LGI2: variants seen among roughly 807,000 people sequenced by gnomAD.
The protein encoded by LGI2 is leucine-rich repeat LGI family member 2.
A neutral mutation model predicts 52.0 loss-of-function variants in LGI2; 30 were observed. The ratio of observed to expected loss-of-function variants is 0.58; its 90% CI spans 0.43 to 0.78. The LOEUF (loss-of-function observed/expected upper bound fraction) is 0.78. Among genes scored for constraint, LGI2 ranks in the 30% least tolerant of loss-of-function variants. The pLI is 0.00. For synonymous variants in LGI2, 270 were observed against 271.8 expected (o/e 0.99, Z 0.06); for missense variants, 573 against 692.5 (o/e 0.83, Z 1.94).
intron 6 of LGI2, among the ~76,000 whole-genome samples, chr4:25,014,496 AG>A (rs2109414328): frequency 7.0e-6 from 1 of 143,066 alleles, no homozygotes; most frequent in South Asian, 2.4e-4. Context: ...AAAAAAAGGA[AG>A]GAGAAGGAGG....
chr4:24,992,359 A>G, the LGI2 span, among the ~76,000 whole-genome samples: 1 of 152,032 alleles, frequency 6.6e-6, no homozygotes, highest in Non-Finnish European at 1.5e-5. Flanking sequence ...GGTGGCACAC[A>G]AGAGGGCTCC....
chr4:25,028,904 C>G (rs1480848050), intron 1 of LGI2, among the ~76,000 whole-genome samples: 1 of 152,214 alleles, frequency 6.6e-6, no homozygotes, highest in Non-Finnish European at 1.5e-5. Flanking sequence ...AATGGATAAT[C>G]GCTTCACCTC....
chr4:25,007,503 A>G (rs1577547295), intron 7 of LGI2, among the ~76,000 whole-genome samples: 1 of 152,102 alleles, frequency 6.6e-6, no homozygotes, highest in East Asian at 1.9e-4. Context: ...CGCGTGAAAC[A>G]GAAGGAATTC....
rs1214455899 is a variant in LGI2 at position 25,030,610 on chromosome 4, C to T, written c.84G>A (p.Ala28=). ...GGCAGCGCGCCAGCCGCCTCACCTG[C>T]GCGCTCCGCGGTATCAGGCACGCGG... ...LGAACLIPRS[A]QVRRLARCPA... Residue 28 remains alanine, a synonymous_variant, in exon 1 of 8, where the codon GCG becomes GCA. Coordinates refer to ENST00000382114, the MANE Select transcript of LGI2 (RefSeq NM_018176.4). 3 of 1,560,240 alleles carry T rather than the reference C, an allele frequency of 1.9e-6. No homozygotes were observed. In the East Asian group the frequency reaches 7.1e-5, roughly 37 times the overall value.
chr4:25,007,566 A>G (rs1432282347), intron 7 of LGI2, among the ~76,000 whole-genome samples: 1 of 148,336 alleles, frequency 6.7e-6, no homozygotes, highest in Non-Finnish European at 1.5e-5. Flanking sequence ...AGTTGTCAGT[A>G]GCAGACAGAT....
chr4:24,999,462 T>C lies in LGI2; in HGVS notation c.*3989A>G, dbSNP rs532295554. Reference sequence around the variant, plus strand: ...ACCCAAATCCGGACCACTTTCTAATTGCATCATTGCATACAACTAGATTAT... The same window carrying C: ...ACCCAAATCCGGACCACTTTCTAATCGCATCATTGCATACAACTAGATTAT... On this transcript the variant is annotated 3_prime_UTR_variant, in exon 8 of 8. Transcript: ENST00000382114. The C allele has an allele frequency of 3.9e-5, 6 of 153,456 alleles. No homozygotes were observed. The highest frequency in any genetic ancestry group is 1.4e-4 in the African/African-American group (6 of 41,544). 9.5% of individuals were successfully genotyped at this position (153,456 alleles called of 1,614,324 possible).
Position 25,003,617 on chromosome 4 carries a change from T to G in LGI2, c.1472A>C (p.Gln491Pro). 1 of 1,614,188 alleles carries G rather than the reference T, an allele frequency of 6.2e-7. No individual in the cohort carries two copies. Among genetic ancestry groups the G allele is most frequent in the Non-Finnish European group, 8.5e-7 (1 of 1,180,030 alleles). ...GSDYTFSQIYQWDKEKQLFKK... is the reference protein window; with the variant it reads ...GSDYTFSQIYPWDKEKQLFKK... ...GAATAGCTGCTTCTCTTTATCCCACTGGTATATCTGAGAGAATGTATAGTC... is the reference window on the plus strand; with the variant it reads ...GAATAGCTGCTTCTCTTTATCCCACGGGTATATCTGAGAGAATGTATAGTC... The change falls in exon 8 of 8, where the codon CAG (glutamine) becomes CCG (proline). Residue 491 changes from glutamine to proline, a missense_variant. By Grantham distance (76) the Gln-to-Pro change is moderately conservative (BLOSUM62 -1). Coordinates refer to ENST00000382114, the MANE Select transcript of LGI2 (RefSeq NM_018176.4).
chr4:25,006,761 A>G (rs539612373), intron 7 of LGI2, among the ~76,000 whole-genome samples: 2 of 152,332 alleles, frequency 1.3e-5, no homozygotes, highest in Non-Finnish European at 2.9e-5. Context: ...CATCATCCCC[A>G]TTTTATAAAG....
At chr4:25,006,299 A>G (rs1725391906) in intron 7 of LGI2, among the ~76,000 whole-genome samples, 1 of 152,044 alleles carries the variant, frequency 6.6e-6, no homozygotes, top group Non-Finnish European at 1.5e-5. Flanking sequence ...AAGACCAACC[A>G]CTAAGCAAAG....
chr4:25,021,552 G>C (rs1018885290), intron 4 of LGI2, among the ~76,000 whole-genome samples: 12 of 152,166 alleles, frequency 7.9e-5, no homozygotes, highest in African/African-American at 2.4e-4. Flanking sequence ...TTTTAGAAGG[G>C]GAGGGAGGTG....
At chr4:25,006,758 C>T (rs1377188443) in intron 7 of LGI2, among the ~76,000 whole-genome samples, 1 of 152,058 alleles carries the variant, frequency 6.6e-6, no homozygotes, top group African/African-American at 2.4e-5. Flanking sequence ...CATCATCATC[C>T]CCATTTTATA....
chr4:25,022,500 T>C (rs903897154), intron 4 of LGI2, among the ~76,000 whole-genome samples: 7 of 152,158 alleles, frequency 4.6e-5, no homozygotes, highest in Non-Finnish European at 8.8e-5. Flanking sequence ...CTAGTTCTTC[T>C]CTAACGCATT....
intron 4 of LGI2, among the ~76,000 whole-genome samples, chr4:25,019,961 G>A (rs1725902441): frequency 6.6e-6 from 1 of 152,182 alleles, no homozygotes; most frequent in Non-Finnish European, 1.5e-5. Flanking sequence ...CACACAGCAG[G>A]TACTCAGTAT....
At chr4:25,020,300 C>A (rs1047784025) in intron 4 of LGI2, among the ~76,000 whole-genome samples, 7 of 152,184 alleles carry the variant, frequency 4.6e-5, no homozygotes, top group Non-Finnish European at 1.0e-4. Flanking sequence ...GTCCACACCC[C>A]ACCTCCAGGA....
rs1329950816 is a variant in LGI2 at position 25,030,541 on chromosome 4, G to C, written c.153C>G (p.Gly51=). The part of the protein sequence containing the change: ...SCTKESIICV[G]SSWVPRIVPG... ...GCACGATCCTGGGCACCCAGGAAGAGCCCACGCAGATGATAGACTCCTTGG... is the reference window on the plus strand; with the variant it reads ...GCACGATCCTGGGCACCCAGGAAGACCCCACGCAGATGATAGACTCCTTGG... Residue 51 remains glycine, a synonymous_variant, in exon 1 of 8, where the codon GGC becomes GGG. Coordinates refer to ENST00000382114, the MANE Select transcript of LGI2 (RefSeq NM_018176.4). The C allele has an allele frequency of 1.3e-6, 2 of 1,596,522 alleles. No individual in the cohort carries two copies. Among genetic ancestry groups the C allele is most frequent in the Non-Finnish European group, 8.5e-7 (1 of 1,173,372 alleles).
chr4:24,998,516 C>T (rs529958092), downstream of LGI2, among the ~76,000 whole-genome samples: 5 of 152,266 alleles, frequency 3.3e-5, no homozygotes, highest in Admixed American at 6.5e-5. Context: ...ACCCAATCAA[C>T]GAAGTCTTGC....
chr4:25,030,684 G>A lies in LGI2; in HGVS notation c.10C>T (p.Arg4Trp), dbSNP rs1195445648. 3 of 1,465,904 alleles carry A rather than the reference G, an allele frequency of 2.0e-6. No individual in the cohort carries two copies. The highest frequency in any genetic ancestry group is 1.8e-6 in the Non-Finnish European group (2 of 1,115,402). 90.8% of individuals were successfully genotyped at this position (1,465,904 alleles called of 1,614,324 possible). A position where few individuals can be genotyped will look rare whatever the true frequency, so the allele number is the denominator to read the frequency against. The change falls in exon 1 of 8, where the codon CGG becomes TGG. Residue 4 changes from arginine (R) to tryptophan (W), a missense_variant. Coordinates refer to ENST00000382114, the MANE Select transcript of LGI2 (RefSeq NM_018176.4). MAL[R>W]RGGCGALGLL... ...CCGAGCGCTCCGCAGCCGCCTCTCC[G>A]CAGCGCCATGCCCGGTCCCCGCTCC...
Position 25,001,928 on chromosome 4 carries a change from T to C in LGI2, c.*1523A>G, listed in dbSNP as rs1449442465. 6.6e-6 allele frequency: 1 copy of C among 152,246 alleles called. No homozygotes were observed. The highest frequency in any genetic ancestry group is 1.5e-5 in the Non-Finnish European group (1 of 68,048). The allele number at this position is 152,246 out of a possible 1,614,324, so 9.4% of individuals were successfully genotyped here. A position where few individuals can be genotyped will look rare whatever the true frequency, so the allele number is the denominator to read the frequency against. On this transcript the variant is annotated 3_prime_UTR_variant, in exon 8 of 8. Coordinates refer to ENST00000382114, the MANE Select transcript of LGI2 (RefSeq NM_018176.4). ...GTACAATATGATCGTGCTACTTTCATGGCTAGGAATGAAGTTGTTGGGTTT... is the reference window on the plus strand; with the variant it reads ...GTACAATATGATCGTGCTACTTTCACGGCTAGGAATGAAGTTGTTGGGTTT...
Position 25,015,354 on chromosome 4 carries a change from AG to A in LGI2, c.655+2634del, listed in dbSNP as rs1254653635. Among the ~76,000 whole-genome samples, 5 of 152,338 alleles carry A rather than the reference AG, an allele frequency of 3.3e-5. No homozygotes were observed. In the South Asian group the frequency reaches 1.0e-3, roughly 32 times the overall value. ...ATTTAGTGAATTACCCACCTAACAC[AG>A]GGAATCATCGGTAGGTAACAGGGAC... On this transcript the variant is annotated intron_variant, in intron 6 of 7. Transcript: ENST00000382114.
Sources: gnomAD v4.1 joint callset for allele counts (sites outside exome capture counted in the v4.1 genomes callset) on GRCh38, gnomAD v4.1.1 for gene constraint, MANE v1.5 for transcripts, NCBI Gene and HGNC (gene_info 2026-07-23, HGNC 2026-07-21) for gene names.